Variants in TAB2 observed in about 807,000 individuals in gnomAD.
TAB2 encodes TGF-beta activated kinase 1 (MAP3K7) binding protein 2, also known as TGF-beta-activated kinase 1 and MAP3K7-binding protein 2.
A neutral mutation model predicts 65.0 loss-of-function variants in TAB2; 3 were observed. That is an observed-to-expected ratio of 0.05 (90% confidence interval 0.02 to 0.12). The LOEUF (loss-of-function observed/expected upper bound fraction) is 0.12. TAB2 is among the 10% of genes least tolerant of loss of function. The probability of loss-of-function intolerance (pLI) is 1.00; values close to 1 mark genes in which losing one functional copy is unlikely to be tolerated. For synonymous variants in TAB2, 298 were observed against 285.1 expected (o/e 1.05, Z -0.46); for missense variants, 623 against 840.3 (o/e 0.74, Z 3.20).
intron 1 of TAB2, among the ~76,000 whole-genome samples, chr6:149,266,383 G>C (rs978875652): frequency 2.6e-5 from 4 of 152,328 alleles, no homozygotes; most frequent in Non-Finnish European, 5.9e-5. Context: ...TAGTAGACAT[G>C]AATATGCTCA....
chr6:149,286,496 G>A (rs1247946074), intron 1 of TAB2, among the ~76,000 whole-genome samples: 2 of 152,138 alleles, frequency 1.3e-5, no homozygotes, highest in African/African-American at 2.4e-5. Flanking sequence ...CCACAGGTGC[G>A]AACTGGTTCA....
chr6:149,263,452 C>T (rs1468460909), intron 1 of TAB2, among the ~76,000 whole-genome samples: 1 of 152,118 alleles, frequency 6.6e-6, no homozygotes, highest in East Asian at 1.9e-4. Context: ...TATGTTGATG[C>T]TGTTTGAAAG....
Position 149,245,676 on chromosome 6 carries a change from T to C in TAB2, c.-121+26900T>C, listed in dbSNP as rs1417750182. On this transcript the variant is annotated intron_variant, in intron 1 of 1. Coordinates refer to the TAB2 transcript ENST00000606202. Reference sequence around the variant, plus strand: ...ATTAGGGTGTTTTGCTGTTTGTTTATACAGATATGGAAACAATGCACTCTT... The same window carrying C: ...ATTAGGGTGTTTTGCTGTTTGTTTACACAGATATGGAAACAATGCACTCTT... 4 of 152,272 alleles carry C rather than the reference T, an allele frequency of 2.6e-5. No homozygotes were observed. The East Asian group carries it at 7.7e-4, about 29-fold the overall frequency. The allele number at this position is 152,272 out of a possible 1,614,324, so 9.4% of individuals were successfully genotyped here.
chr6:149,375,048 C>G (rs1247369265), intron 2 of TAB2, among the ~76,000 whole-genome samples: 6 of 152,130 alleles, frequency 3.9e-5, no homozygotes, highest in Non-Finnish European at 8.8e-5. Flanking sequence ...TTAGGTGATG[C>G]TAAGAATTGA....
chr6:149,354,908 T>A (rs923230272), intron 1 of TAB2, among the ~76,000 whole-genome samples: 1 of 152,202 alleles, frequency 6.6e-6, no homozygotes, highest in Non-Finnish European at 1.5e-5. Flanking sequence ...TTGGCAAATA[T>A]ATATAGTTTT....
intron 1 of TAB2, among the ~76,000 whole-genome samples, chr6:149,237,314 A>C (rs779324074): frequency 2.0e-5 from 3 of 152,118 alleles, no homozygotes; most frequent in Non-Finnish European, 2.9e-5. Context: ...CCTCTTGCAA[A>C]GTCTTCTTGC....
chr6:149,354,521 TAAATA>T (rs1002059954), intron 1 of TAB2, among the ~76,000 whole-genome samples: 3 of 152,198 alleles, frequency 2.0e-5, no homozygotes, highest in African/African-American at 7.2e-5. Flanking sequence ...AACAATATAT[TAAATA>T]AAATAGGTTT....
intron 1 of TAB2, among the ~76,000 whole-genome samples, chr6:149,301,883 G>A (rs6913784): frequency 0.036 from 5,504 of 152,184 alleles, 307 homozygotes; most frequent in African/African-American, 0.12. Flanking sequence ...AGTAAACTTT[G>A]AAAGATTATG....
chr6:149,272,214 G>C (rs189684650), intron 1 of TAB2, among the ~76,000 whole-genome samples: 202 of 152,290 alleles, frequency 1.3e-3, no homozygotes, highest in African/African-American at 4.8e-3. Context: ...GAGCAATTTG[G>C]CTCCCCAGAT....
chr6:149,370,079 G>A lies in TAB2; in HGVS notation c.82G>A (p.Val28Ile). Residue 28 changes from valine (V) to isoleucine (I), a missense_variant, in exon 2 of 7, where the codon GTA becomes ATA. Around this residue, in one of 3 missense-constraint regions of TAB2, gnomAD observed 17 missense variants for 44.2 expected, o/e 0.38. Coordinates refer to ENST00000637181, the MANE Select transcript of TAB2 (RefSeq NM_001292034.3). ...ATTCCCTGAAGTACCTGAAGTTGTTGTATCCAGGTGCATGTTACAGGTCAG... is the reference window on the plus strand; with the variant it reads ...ATTCCCTGAAGTACCTGAAGTTGTTATATCCAGGTGCATGTTACAGGTCAG... ...QKFPEVPEVV[V>I]SRCMLQNNNN... The A allele has an allele frequency of 1.9e-6, 3 of 1,613,968 alleles. No homozygotes were observed. The highest frequency in any genetic ancestry group is 2.5e-6 in the Non-Finnish European group (3 of 1,179,884).
At chr6:149,298,547 G>A (rs1211851758) in intron 1 of TAB2, among the ~76,000 whole-genome samples, 7 of 152,144 alleles carry the variant, frequency 4.6e-5, no homozygotes, top group Admixed American at 4.6e-4. Flanking sequence ...AGACTTGCTT[G>A]ATCCCGGGAG....
intron 1 of TAB2, among the ~76,000 whole-genome samples, chr6:149,262,546 A>C (rs1008749897): frequency 2.0e-5 from 3 of 152,020 alleles, no homozygotes; most frequent in Non-Finnish European, 2.9e-5. Context: ...AAAAAAAAAA[A>C]ATCTCATATG....
rs370622661 is a variant in TAB2 at position 149,389,645 on chromosome 6, C to CAA, written c.1604-7940_1604-7939dup. Among the ~76,000 whole-genome samples, 39 of 86,892 alleles carry CAA rather than the reference C, an allele frequency of 4.5e-4. 1 individual carries two copies. The highest frequency in any genetic ancestry group is 1.0e-3 in the African/African-American group (25 of 24,830). 57.0% of individuals were successfully genotyped at this position (86,892 alleles called of 152,430 possible). A position where few individuals can be genotyped will look rare whatever the true frequency, so the allele number is the denominator to read the frequency against. Reference sequence around the variant, plus strand: ...GGGCAACAAGAGTAAAACTCTGTGTCAAAAAAAAAAAAAAAAAAAAGGTAT... The same window carrying CAA: ...GGGCAACAAGAGTAAAACTCTGTGTCAAAAAAAAAAAAAAAAAAAAAAGGTAT... On this transcript the variant is annotated intron_variant, in intron 3 of 6. Coordinates refer to ENST00000637181, the MANE Select transcript of TAB2 (RefSeq NM_001292034.3).
chr6:149,347,252 T>C (rs1780336022), intron 1 of TAB2: 1 of 152,226 alleles, frequency 6.6e-6, no homozygotes, highest in African/African-American at 2.4e-5. Flanking sequence ...GAAGAACTTA[T>C]AACTGGTAAG....
chr6:149,288,854 A>ATTTTTTT (rs71007938), intron 1 of TAB2, among the ~76,000 whole-genome samples: 20 of 115,370 alleles, frequency 1.7e-4, no homozygotes, highest in South Asian at 5.5e-4. Flanking sequence ...TTAATTTTTA[A>ATTTTTTT]TTTTTTTTTT....
intron 1 of TAB2, among the ~76,000 whole-genome samples, chr6:149,228,000 A>C (rs1469447169): frequency 2.0e-5 from 3 of 152,130 alleles, no homozygotes; most frequent in Non-Finnish European, 1.5e-5. Context: ...CTCATTTCTC[A>C]GGATGAAAAA....
At chr6:149,267,798 C>T (rs950319002) in intron 1 of TAB2, among the ~76,000 whole-genome samples, 17 of 152,146 alleles carry the variant, frequency 1.1e-4, no homozygotes, top group African/African-American at 4.1e-4. Flanking sequence ...GTACTGAATA[C>T]TGTAGGCAAC....
intron 1 of TAB2, among the ~76,000 whole-genome samples, chr6:149,229,092 A>T (rs1777345162): frequency 6.6e-6 from 1 of 152,232 alleles, no homozygotes; most frequent in Non-Finnish European, 1.5e-5. Flanking sequence ...GCACATACAG[A>T]TCCATTAGAA....
intron 1 of TAB2, among the ~76,000 whole-genome samples, chr6:149,369,379 G>A (rs766567429): frequency 7.9e-5 from 12 of 152,128 alleles, no homozygotes; most frequent in African/African-American, 2.9e-4. Flanking sequence ...TAGAAGCAGA[G>A]GGAATAAAAT....
Sources: gnomAD v4.1 joint callset for allele counts (sites outside exome capture counted in the v4.1 genomes callset) on GRCh38, gnomAD v4.1.1 for gene constraint, gnomAD v4.1.1 regional missense constraint, MANE v1.5 for transcripts, NCBI Gene and HGNC (gene_info 2026-07-23, HGNC 2026-07-21) for gene names.